BACH2: variants seen among roughly 807,000 people sequenced by gnomAD.
BACH2 encodes the protein transcription regulator protein BACH2.
Under a neutral mutation model 61.8 loss-of-function variants are expected in BACH2, and 5 were observed. That is an observed-to-expected ratio of 0.08 (90% CI 0.04 to 0.17). The LOEUF (loss-of-function observed/expected upper bound fraction) is 0.17. BACH2 is among the 10% of genes least tolerant of loss of function. The pLI is 1.00. For synonymous variants in BACH2, 446 were observed against 440.1 expected (o/e 1.01, Z -0.17); for missense variants, 824 against 1,091.1 (o/e 0.76, Z 3.45).
rs138485222 is a variant in BACH2, at chr6:90,221,799, C to T, written c.-274-15118G>A. On this transcript the variant is annotated intron_variant, in intron 3 of 8. Transcript: ENST00000257749. ...ACTGAATGTGAAAAAAATTAAAACC[C>T]GTAAGTATAAACAGGGTTGGTGAGT... Among the ~76,000 whole-genome samples, 1,018 of 152,062 alleles carry T rather than the reference C, an allele frequency of 6.7e-3. 2 individuals carry two copies. Among genetic ancestry groups the T allele is most frequent in the Non-Finnish European group, 0.012 (817 of 67,968 alleles).
At chr6:89,969,225 T>C (rs1775225905) in intron 6 of BACH2, among the ~76,000 whole-genome samples, 1 of 151,792 alleles carries the variant, frequency 6.6e-6, no homozygotes, top group Non-Finnish European at 1.5e-5. Flanking sequence ...AGCTAATTTT[T>C]TTGTATTTTC....
intron 5 of BACH2, among the ~76,000 whole-genome samples, chr6:90,040,648 T>C (rs1363403470): frequency 5.9e-5 from 9 of 152,160 alleles, no homozygotes; most frequent in Non-Finnish European, 1.0e-4. Flanking sequence ...GGATTGTCTT[T>C]CCATTTATTC....
chr6:89,950,721 A>G lies in BACH2; in HGVS notation c.1385T>C (p.Val462Ala), dbSNP rs765558718. ...GGCTCCCACCCACAGACCCTTTGGCACCGGCTCAGAGAGGTCTTTGTCCAA... is the reference window on the plus strand; with the variant it reads ...GGCTCCCACCCACAGACCCTTTGGCGCCGGCTCAGAGAGGTCTTTGTCCAA... ...SSLDKDLSEPVPKGLWVGAGQ... is the reference protein window; with the variant it reads ...SSLDKDLSEPAPKGLWVGAGQ... The change falls in exon 7 of 9, where the codon GTG becomes GCG. Residue 462 changes from valine (V) to alanine (A), a missense_variant. This residue lies in a region of BACH2 where 102 missense variants were observed against 98.1 expected (regional missense o/e 1.04). Transcript: ENST00000257749. The surrounding 1 kb of genome is among the most constrained non-coding windows in gnomAD (Gnocchi z 5.3). 8.7e-6 allele frequency: 14 copies of G among 1,614,118 alleles called. No individual in the cohort carries two copies. Among genetic ancestry groups the G allele is most frequent in the Admixed American group, 1.7e-5 (1 of 60,024 alleles).
chr6:90,179,401 AC>A (rs1430112033), intron 4 of BACH2, among the ~76,000 whole-genome samples: 1 of 152,236 alleles, frequency 6.6e-6, no homozygotes, highest in Non-Finnish European at 1.5e-5. Flanking sequence ...TGTTTCAACT[AC>A]TGCCCCCTCC....
At chr6:90,026,449 C>T (rs1778641834) in intron 5 of BACH2, among the ~76,000 whole-genome samples, 1 of 152,180 alleles carries the variant, frequency 6.6e-6, no homozygotes, top group Admixed American at 6.5e-5. Context: ...ATATATTAGT[C>T]ATGCCATTGT....
chr6:89,950,646 G>A lies in BACH2; in HGVS notation c.1460C>T (p.Ala487Val), dbSNP rs934131094. 4.3e-6 allele frequency: 7 copies of A among 1,614,028 alleles called. No individual in the cohort carries two copies. The East Asian group carries it at 8.9e-5, about 21-fold the overall frequency. The stretch of plus-strand genomic sequence containing the variant: ...CCGCATCCTTCCTGGCAAGTGGTCG[G>A]CCATCAGCCCACCGTGGGAGTAGGC... ...SQAYSHGGLM[A>V]DHLPGRMRPN... Residue 487 changes from alanine to valine, a missense_variant, in exon 7 of 9, where the codon GCC becomes GTC. Transcript: ENST00000257749. The surrounding 1 kb of genome is among the most constrained non-coding windows in gnomAD (Gnocchi z 5.3).
Position 89,950,391 on chromosome 6 carries a change from T to C in BACH2, c.1715A>G (p.Tyr572Cys), listed in dbSNP as rs1050395971. The change falls in exon 7 of 9, where the codon TAC becomes TGC. Residue 572 changes from tyrosine to cysteine, a missense_variant. Coordinates refer to ENST00000257749, the MANE Select transcript of BACH2 (RefSeq NM_021813.4). This position sits in a 1 kb window ranked among gnomAD's most constrained non-coding sequence, Gnocchi z 5.3. ...QEPGLMGDGM[Y>C]NQVRPQIKCE... ...TTTAATTTGGGGCCGCACTTGGTTGTACATTCCATCTCCCATCAGGCCTGG... is the reference window on the plus strand; with the variant it reads ...TTTAATTTGGGGCCGCACTTGGTTGCACATTCCATCTCCCATCAGGCCTGG... The C allele has an allele frequency of 5.0e-6, 8 of 1,614,188 alleles. No individual in the cohort carries two copies. The highest frequency in any genetic ancestry group is 6.8e-6 in the Non-Finnish European group (8 of 1,180,032).
In BACH2 at chr6:90,230,055, C is replaced by T. The variant is rs569031153; in HGVS notation, c.-275+22458G>A. Among the ~76,000 whole-genome samples, 277 of 152,284 alleles carry T rather than the reference C, an allele frequency of 1.8e-3. 1 individual carries two copies. Among genetic ancestry groups the T allele is most frequent in the African/African-American group, 6.3e-3 (262 of 41,546 alleles). On this transcript the variant is annotated intron_variant, in intron 3 of 8. Coordinates refer to ENST00000257749, the MANE Select transcript of BACH2 (RefSeq NM_021813.4). Reference sequence around the variant, plus strand: ...ACATTCTGACTGATCCAGAATGGGGCCCCAAGATCCTTATATTTCTAAAGT... The same window carrying T: ...ACATTCTGACTGATCCAGAATGGGGTCCCAAGATCCTTATATTTCTAAAGT...
intron 6 of BACH2, among the ~76,000 whole-genome samples, chr6:89,952,397 A>G (rs1260301919): frequency 3.9e-5 from 6 of 152,244 alleles, no homozygotes; most frequent in Non-Finnish European, 7.3e-5. Flanking sequence ...ACATTAAAAC[A>G]ACTCCTGTTT....
At chr6:90,207,089 A>G (rs552549500) in intron 3 of BACH2, among the ~76,000 whole-genome samples, 14 of 151,998 alleles carry the variant, frequency 9.2e-5, no homozygotes, top group Non-Finnish European at 1.6e-4. Context: ...GTCATTGTAC[A>G]GTTTCAGGGT....
At position 89,950,011 on chromosome 6, in the gene BACH2, A is replaced by C; in HGVS notation, c.1836+259T>G. Reference sequence around the variant, plus strand: ...TGTACTTCATGCATTAGACTTCAGTATATTTTTACTCAGCAGCTTGCCTCT... The same window carrying C: ...TGTACTTCATGCATTAGACTTCAGTCTATTTTTACTCAGCAGCTTGCCTCT... On this transcript the variant is annotated intron_variant, in intron 7 of 8. Transcript: ENST00000257749. This position sits in a 1 kb window ranked among gnomAD's most constrained non-coding sequence, Gnocchi z 5.3. 1 of 520,120 alleles carries C rather than the reference A, an allele frequency of 1.9e-6. No homozygotes were observed. The highest frequency in any genetic ancestry group is 3.5e-6 in the Non-Finnish European group (1 of 286,366). The allele number at this position is 520,120 out of a possible 1,614,324, so 32.2% of individuals were successfully genotyped here.
At chr6:90,075,490 C>T (rs183584172) in intron 5 of BACH2, among the ~76,000 whole-genome samples, 15 of 152,170 alleles carry the variant, frequency 9.9e-5, no homozygotes, top group Admixed American at 9.8e-4. Context: ...CCTGGCTTTC[C>T]AAGTGTGTTG....
At chr6:90,183,313 T>C (rs1282912225) in intron 4 of BACH2, among the ~76,000 whole-genome samples, 2 of 152,236 alleles carry the variant, frequency 1.3e-5, no homozygotes, top group East Asian at 3.8e-4. Flanking sequence ...TTACACTGAT[T>C]TTGCAGTAGA....
rs948752076 is a variant in BACH2 at position 89,949,964 on chromosome 6, A to AG, written c.1836+305dup. Among the ~76,000 whole-genome samples the AG allele has an allele frequency of 2.6e-5, 4 of 151,616 alleles. No homozygotes were observed. In the South Asian group the frequency reaches 8.4e-4, roughly 32 times the overall value. ...GGAGGGGGAGAGAGGGAGGAGAAAG[A>AG]GGGGGGTCTGGAGTGCCTCAGTGTA... On this transcript the variant is annotated intron_variant, in intron 7 of 8. Coordinates refer to ENST00000257749, the MANE Select transcript of BACH2 (RefSeq NM_021813.4).
intron 1 of BACH2, among the ~76,000 whole-genome samples, chr6:90,295,625 G>C (rs1772322801): frequency 6.6e-6 from 1 of 151,680 alleles, no homozygotes; most frequent in Admixed American, 6.6e-5. Context: ...CCTGGGTGAA[G>C]CTTCTGGGGC....
At position 90,060,255 on chromosome 6, in the gene BACH2, T is replaced by G. The variant is rs190483609; in HGVS notation, c.-13+28706A>C. On this transcript the variant is annotated intron_variant, in intron 5 of 8. Coordinates refer to ENST00000257749, the MANE Select transcript of BACH2 (RefSeq NM_021813.4). Reference sequence around the variant, plus strand: ...ATTGTCTCATCTCCATTCTGCATATTTTTGTTGCCTTTCACGCTCTAAATA... The same window carrying G: ...ATTGTCTCATCTCCATTCTGCATATGTTTGTTGCCTTTCACGCTCTAAATA... 4.6e-5 allele frequency among the ~76,000 whole-genome samples: 7 copies of G among 152,296 alleles called. No individual in the cohort carries two copies. In the East Asian group the frequency reaches 1.3e-3, roughly 29 times the overall value.
chr6:90,246,183 A>G (rs1462134301), intron 3 of BACH2, among the ~76,000 whole-genome samples: 3 of 152,198 alleles, frequency 2.0e-5, no homozygotes, highest in Non-Finnish European at 4.4e-5. Flanking sequence ...TTCCAATTTT[A>G]TTCTGTTTTT....
intron 2 of BACH2, among the ~76,000 whole-genome samples, chr6:90,252,816 C>T (rs1317994788): frequency 6.6e-6 from 1 of 152,182 alleles, no homozygotes; most frequent in Admixed American, 6.5e-5. Flanking sequence ...ATGGTCAGTA[C>T]ATGGAGGTCC....
chr6:89,936,991 T>C (rs996494855), intron 8 of BACH2, among the ~76,000 whole-genome samples: 1 of 151,632 alleles, frequency 6.6e-6, no homozygotes, highest in African/African-American at 2.4e-5. Flanking sequence ...GGAGGTTGAG[T>C]TGGTTGTCTT....
Sources: gnomAD v4.1 joint callset for allele counts (sites outside exome capture counted in the v4.1 genomes callset) on GRCh38, gnomAD v4.1.1 for gene constraint, gnomAD v4.1.1 regional missense constraint, Gnocchi (gnomAD v3.1) non-coding constraint, MANE v1.5 for transcripts, NCBI Gene and HGNC (gene_info 2026-07-23, HGNC 2026-07-21) for gene names.